The following IL33 variants were observed in gnomAD, a reference collection of about 807,000 sequenced individuals.
IL33 encodes interleukin 33, also known as interleukin-33.
Under a neutral mutation model 27.3 loss-of-function variants are expected in IL33, and 37 were observed. The ratio of observed to expected loss-of-function variants is 1.36; its 90% CI spans 1.04 to 1.78. The LOEUF is 1.78. Ranked by LOEUF, IL33 falls within the 40% of genes most tolerant of loss-of-function variation. IL33 has a pLI of 0.00. For missense variants in IL33, 406 were observed against 311.4 expected (o/e 1.30, Z -2.29); for synonymous variants, 132 against 102.9 (o/e 1.28, Z -1.71).
intron 4 of IL33, among the ~76,000 whole-genome samples, chr9:6,252,632 GCA>G: frequency 6.6e-6 from 1 of 152,222 alleles, no homozygotes; most frequent in East Asian, 1.9e-4. Flanking sequence ...CCTCCCATAA[GCA>G]CACTCACATG....
At chr9:6,226,914 T>C (rs1021908662) in intron 1 of IL33, among the ~76,000 whole-genome samples, 1 of 152,244 alleles carries the variant, frequency 6.6e-6, no homozygotes, top group Admixed American at 6.5e-5. Context: ...TGGTGGTTTG[T>C]GTAGCAGCTG....
intron 1 of IL33, among the ~76,000 whole-genome samples, chr9:6,225,388 C>T (rs1818582669): frequency 6.6e-6 from 1 of 152,146 alleles, no homozygotes; most frequent in Admixed American, 6.5e-5. Flanking sequence ...GAAGAGCAGT[C>T]ACAACTATTG....
chr9:6,256,367 CT>C lies in IL33; in HGVS notation c.*201del. Reference sequence around the variant, plus strand: ...TTTATTTCCCTCTGTATAACTGCATCTTCAATACAAGTATCAGTATATTAAA... The same window carrying C: ...TTTATTTCCCTCTGTATAACTGCATCTCAATACAAGTATCAGTATATTAAA... On this transcript the variant is annotated 3_prime_UTR_variant, in exon 8 of 8. Coordinates refer to ENST00000682010, the MANE Select transcript of IL33 (RefSeq NM_033439.4). The C allele has an allele frequency of 7.1e-6, 4 of 566,408 alleles. No individual in the cohort carries two copies. Among genetic ancestry groups the C allele is most frequent in the Non-Finnish European group, 1.2e-5 (4 of 322,876 alleles). The allele number at this position is 566,408 out of a possible 1,614,324, so 35.1% of individuals were successfully genotyped here.
At chr9:6,255,843 A>G (rs1816693593) in intron 7 of IL33, 125 bp from the exon 8 acceptor site, 1 of 746,726 alleles carries the variant, frequency 1.3e-6, no homozygotes. Context: ...ACAACTCACT[A>G]AGCAAGCTTG....
At chr9:6,250,235 A>C (rs982600570) in intron 2 of IL33, among the ~76,000 whole-genome samples, 5 of 152,290 alleles carry the variant, frequency 3.3e-5, no homozygotes, top group Non-Finnish European at 7.4e-5. Flanking sequence ...AAAATTAACT[A>C]ATTTTGATTA....
intron 1 of IL33, among the ~76,000 whole-genome samples, chr9:6,240,023 T>A (rs1819438858): frequency 6.6e-6 from 1 of 152,216 alleles, no homozygotes; most frequent in Non-Finnish European, 1.5e-5. Flanking sequence ...GTCAAAACCA[T>A]GTAACATAAT....
intron 4 of IL33, among the ~76,000 whole-genome samples, chr9:6,252,075 AAACAAAAC>A (rs1816417091): frequency 7.4e-6 from 1 of 134,512 alleles, no homozygotes; most frequent in African/African-American, 3.0e-5. Flanking sequence ...ACCCAACAAA[AAACAAAAC>A]AAAACAAAAA....
In IL33 at chr9:6,257,008, A is replaced by C. The variant is rs893455812; in HGVS notation, c.*840A>C. The C allele has an allele frequency of 1.3e-5, 2 of 151,900 alleles. No homozygotes were observed. The highest frequency in any genetic ancestry group is 2.9e-5 in the Non-Finnish European group (2 of 67,972). The allele number at this position is 151,900 out of a possible 1,614,324, so 9.4% of individuals were successfully genotyped here. ...ACTTTTTTTTTTTTAAAGAGTACTG[A>C]GTCACAACATGTTTTAGAGCATCCA... On this transcript the variant is annotated 3_prime_UTR_variant, in exon 8 of 8. Transcript: ENST00000682010.
chr9:6,230,939 TC>T, intron 1 of IL33, among the ~76,000 whole-genome samples: 1 of 152,150 alleles, frequency 6.6e-6, no homozygotes, highest in East Asian at 1.9e-4. Flanking sequence ...CACTATTTCT[TC>T]ACTTCTAAAA....
At chr9:6,237,612 C>G (rs941156096) in intron 1 of IL33, among the ~76,000 whole-genome samples, 4 of 152,140 alleles carry the variant, frequency 2.6e-5, no homozygotes, top group Non-Finnish European at 5.9e-5. Flanking sequence ...AATAGTTAAA[C>G]AAAGGTACCC....
chr9:6,218,899 CATATATATATAT>C (rs200982905), intron 1 of IL33, among the ~76,000 whole-genome samples: 2,337 of 22,624 alleles, frequency 0.1, 249 homozygotes, highest in Middle Eastern at 0.17. Context: ...ATATGTTCTC[CATATATATATAT>C]ATATATATAT....
At chr9:6,240,850 T>C (rs1819486336) in intron 1 of IL33, among the ~76,000 whole-genome samples, 1 of 152,218 alleles carries the variant, frequency 6.6e-6, no homozygotes, top group Admixed American at 6.5e-5. Flanking sequence ...ACTCTTGTAA[T>C]AACACTTAGC....
At chr9:6,225,290 A>C (rs1818579546) in intron 1 of IL33, among the ~76,000 whole-genome samples, 1 of 152,238 alleles carries the variant, frequency 6.6e-6, no homozygotes, top group Non-Finnish European at 1.5e-5. Context: ...ATCACCAAAA[A>C]GTTCCATGAT....
At chr9:6,216,264 G>A (rs1198596064) in intron 1 of IL33, among the ~76,000 whole-genome samples, 1 of 152,114 alleles carries the variant, frequency 6.6e-6, no homozygotes, top group Non-Finnish European at 1.5e-5. Context: ...CCAAGCAGCT[G>A]GAACTACAGG....
intron 1 of IL33, among the ~76,000 whole-genome samples, chr9:6,232,777 G>A (rs1431509384): frequency 1.3e-5 from 2 of 152,012 alleles, no homozygotes; most frequent in Non-Finnish European, 2.9e-5. Flanking sequence ...GTCACCCTTG[G>A]TGATTTCATT....
intron 2 of IL33, 57 bp from the exon 3 acceptor site, chr9:6,250,417 G>A (rs1816279369): frequency 8.8e-6 from 14 of 1,584,402 alleles, no homozygotes; most frequent in African/African-American, 1.4e-5. Flanking sequence ...CTCAGGATTT[G>A]TAGAAGGATA....
intron 5 of IL33, 54 bp from the exon 6 acceptor site, chr9:6,253,498 G>A (rs1816530732): frequency 2.3e-6 from 3 of 1,326,318 alleles, no homozygotes; most frequent in African/African-American, 2.9e-5. Flanking sequence ...TGTTGGAACT[G>A]AAAACTTAAC....
At chr9:6,234,001 G>C (rs1026637177) in intron 1 of IL33, among the ~76,000 whole-genome samples, 1 of 152,164 alleles carries the variant, frequency 6.6e-6, no homozygotes, top group African/African-American at 2.4e-5. Flanking sequence ...ATTACCAACT[G>C]TTCCTGCTTT....
At chr9:6,241,607 T>C in intron 1 of IL33, 77 bp from the exon 2 acceptor site, 1 of 753,460 alleles carries the variant, frequency 1.3e-6, no homozygotes, top group Non-Finnish European at 2.2e-6. Flanking sequence ...ACCAATTTGG[T>C]AGTGAGCTAG....
Sources: allele counts gnomAD v4.1 joint callset (sites outside exome capture counted in the v4.1 genomes callset), GRCh38; gene constraint gnomAD v4.1.1; transcripts MANE v1.5; gene names NCBI Gene and HGNC (gene_info 2026-07-23, HGNC 2026-07-21).